The following DNAH11 variants were observed in gnomAD, a reference collection of about 807,000 sequenced individuals.
DNAH11 encodes axonemal beta dynein heavy chain 11.
A neutral mutation model predicts 526.0 loss-of-function variants in DNAH11; 442 were observed. The ratio of observed to expected loss-of-function variants is 0.84; its 90% CI spans 0.78 to 0.91. The LOEUF is 0.91. Ranked by LOEUF, DNAH11 falls within the 40% of genes least tolerant of loss-of-function variation. DNAH11 has a pLI of 0.00. For missense variants in DNAH11, 6,989 were observed against 5,448.7 expected, an observed-to-expected ratio of 1.28 and a Z score of -8.90; for synonymous variants, 2,461 against 1,935.9, an observed-to-expected ratio of 1.27 and a Z score of -7.12.
chr7:21,561,283 C>T (rs543231789), intron 5 of DNAH11, 113 bp downstream of exon 5: 7 of 737,590 alleles, frequency 9.5e-6, no homozygotes, highest in East Asian at 5.4e-5. Context: ...AGTGATTGCT[C>T]ATGGCTCTTC....
intron 14 of DNAH11, among the ~76,000 whole-genome samples, chr7:21,594,106 G>A (rs1784789283): frequency 9.3e-6 from 1 of 107,304 alleles, no homozygotes; most frequent in South Asian, 3.3e-4. Flanking sequence ...ACACTCTGAA[G>A]CCATCATGAA....
chr7:21,551,450 TA>T (rs1208275521), intron 2 of DNAH11, among the ~76,000 whole-genome samples: 1 of 152,216 alleles, frequency 6.6e-6, no homozygotes, highest in Non-Finnish European at 1.5e-5. Context: ...TGCTATTTAT[TA>T]GGCCCCACTC....
chr7:21,779,400 G>T (rs1469451217), intron 57 of DNAH11, among the ~76,000 whole-genome samples: 1 of 152,250 alleles, frequency 6.6e-6, no homozygotes, highest in Non-Finnish European at 1.5e-5. Flanking sequence ...ATACAGTAAA[G>T]GTCAGGAAGT....
chr7:21,726,040 A>T (rs1785089378), intron 45 of DNAH11, 56 bp downstream of exon 45: 2 of 1,436,026 alleles, frequency 1.4e-6, no homozygotes, highest in Admixed American at 2.9e-5. Context: ...GCTATAAAAA[A>T]TACCTGCAAC....
intron 64 of DNAH11, among the ~76,000 whole-genome samples, chr7:21,817,823 G>C (rs1443374766): frequency 7.3e-6 from 1 of 136,906 alleles, no homozygotes; most frequent in Admixed American, 7.1e-5. Flanking sequence ...TAAATGTAAA[G>C]GTTTAAAAAA....
chr7:21,724,176 C>T (rs903636218), intron 44 of DNAH11, among the ~76,000 whole-genome samples: 5 of 152,218 alleles, frequency 3.3e-5, no homozygotes, highest in African/African-American at 7.2e-5. Context: ...TGTAGTCTGC[C>T]TGCAGAGAAT....
intron 3 of DNAH11, among the ~76,000 whole-genome samples, chr7:21,559,233 A>C (rs562178184): frequency 4.3e-4 from 66 of 152,318 alleles, no homozygotes; most frequent in African/African-American, 1.6e-3. Flanking sequence ...GCAAACAGAG[A>C]ATTACAGCTA....
At chr7:21,808,493 A>T (rs1583719307) in intron 63 of DNAH11, among the ~76,000 whole-genome samples, 2 of 152,106 alleles carry the variant, frequency 1.3e-5, no homozygotes, top group East Asian at 3.8e-4. Flanking sequence ...CTTCTATCTA[A>T]CTGTAGTTTT....
At chr7:21,857,809 A>G (rs1782910289) in intron 68 of DNAH11, among the ~76,000 whole-genome samples, 2 of 152,176 alleles carry the variant, frequency 1.3e-5, no homozygotes, top group African/African-American at 4.8e-5. Context: ...ATTATACTAT[A>G]TAAAAAAATT....
chr7:21,602,817 C>G (rs1205697135), intron 18 of DNAH11, among the ~76,000 whole-genome samples: 1 of 152,090 alleles, frequency 6.6e-6, no homozygotes, highest in African/African-American at 2.4e-5. Context: ...GCCTCATGAT[C>G]CCTCATTTAA....
At chr7:21,857,163 T>C (rs1224100701) in intron 68 of DNAH11, among the ~76,000 whole-genome samples, 1 of 152,206 alleles carries the variant, frequency 6.6e-6, no homozygotes, top group Non-Finnish European at 1.5e-5. Context: ...ACCTTGTATT[T>C]CTATACATGA....
At chr7:21,643,139 T>C (rs1433548673) in intron 28 of DNAH11, among the ~76,000 whole-genome samples, 2 of 152,244 alleles carry the variant, frequency 1.3e-5, no homozygotes, top group East Asian at 1.9e-4. Context: ...ACAACTGGCC[T>C]GAAGTCCTTA....
At chr7:21,690,924 C>T in intron 35 of DNAH11, 43 bp downstream of exon 35, 1 of 1,417,764 alleles carries the variant, frequency 7.1e-7, no homozygotes, top group Non-Finnish European at 9.9e-7. Flanking sequence ...TGCACTCATG[C>T]CACCTAATGT....
chr7:21,681,719 C>T (rs1232369717), intron 31 of DNAH11, 42 bp downstream of exon 31: 1 of 1,611,416 alleles, frequency 6.2e-7, no homozygotes, highest in Non-Finnish European at 8.5e-7. Flanking sequence ...TTATTGTTTC[C>T]TGAAAGTGGT....
In DNAH11 at chr7:21,602,066, G is replaced by A. The variant is rs184993280; in HGVS notation, c.3648+448G>A. On this transcript the variant is annotated intron_variant, in intron 18 of 81. Coordinates refer to ENST00000409508, the MANE Select transcript of DNAH11 (RefSeq NM_001277115.2). ...TTAATAAAGAATAAATAGGCCAGGC[G>A]TGGTGGCTCATGTCTGTAATCCCAG... 9.9e-5 allele frequency among the ~76,000 whole-genome samples: 15 copies of A among 152,076 alleles called. No individual in the cohort carries two copies. The East Asian group carries it at 1.7e-3, about 18-fold the overall frequency.
intron 12 of DNAH11, 25 bp from the exon 13 acceptor site, chr7:21,590,893 A>C: frequency 8.0e-7 from 1 of 1,257,138 alleles, no homozygotes; most frequent in Non-Finnish European, 1.0e-6. Context: ...AATATGCAAT[A>C]ATTTTAATAA....
intron 28 of DNAH11, among the ~76,000 whole-genome samples, chr7:21,640,945 C>A (rs1787101335): frequency 6.6e-6 from 1 of 152,108 alleles, no homozygotes; most frequent in South Asian, 2.1e-4. Context: ...CTTCCCTCAC[C>A]AGTGGTGACT....
intron 65 of DNAH11, among the ~76,000 whole-genome samples, chr7:21,820,914 A>G (rs921529943): frequency 8.5e-5 from 13 of 152,192 alleles, no homozygotes; most frequent in African/African-American, 3.1e-4. Context: ...ATGTTTCTGA[A>G]AGTATTGACT....
chr7:21,554,926 C>T (rs1011529245), intron 2 of DNAH11, among the ~76,000 whole-genome samples: 1 of 152,112 alleles, frequency 6.6e-6, no homozygotes, highest in African/African-American at 2.4e-5. Flanking sequence ...GCAATTGGTT[C>T]GACTCTGCCA....
Sources: allele counts gnomAD v4.1 joint callset (sites outside exome capture counted in the v4.1 genomes callset), GRCh38; gene constraint gnomAD v4.1.1; transcripts MANE v1.5; gene names NCBI Gene and HGNC (gene_info 2026-07-23, HGNC 2026-07-21).